The following EHHADH variants were observed in gnomAD, a reference collection of about 807,000 sequenced individuals.
The protein encoded by EHHADH is enoyl-CoA hydratase and 3-hydroxyacyl CoA dehydrogenase.
Under a neutral mutation model 64.4 loss-of-function variants are expected in EHHADH, and 48 were observed. The ratio of observed to expected loss-of-function variants is 0.75; its 90% CI spans 0.59 to 0.95. The LOEUF (loss-of-function observed/expected upper bound fraction) is 0.95. Ranked by LOEUF, EHHADH falls within the 40% of genes least tolerant of loss-of-function variation. EHHADH has a pLI of 0.00. For synonymous variants in EHHADH, 308 were observed against 326.7 expected (o/e 0.94, Z 0.62); for missense variants, 854 against 876.6 (o/e 0.97, Z 0.33).
chr3:185,191,969 C>A lies in EHHADH; in HGVS notation c.*257G>T. On this transcript the variant is annotated 3_prime_UTR_variant, in exon 7 of 7. Transcript: ENST00000231887. ...TGAGAATCTCAACTTATGCCTGAGC[C>A]TCTTTCATTAGCTATTATGGTATTA... 1 of 439,586 alleles carries A rather than the reference C, an allele frequency of 2.3e-6. No individual in the cohort carries two copies. The highest frequency in any genetic ancestry group is 4.0e-6 in the Non-Finnish European group (1 of 250,148). 27.2% of individuals were successfully genotyped at this position (439,586 alleles called of 1,614,324 possible).
intron 6 of EHHADH, among the ~76,000 whole-genome samples, chr3:185,195,355 C>A (rs528952614): frequency 5.0e-4 from 76 of 152,264 alleles, no homozygotes; most frequent in African/African-American, 1.8e-3. Context: ...CAGACAATAA[C>A]AAATTTTGGT....
intron 4 of EHHADH, among the ~76,000 whole-genome samples, chr3:185,225,416 A>G (rs538553569): frequency 6.6e-6 from 1 of 152,056 alleles, no homozygotes; most frequent in Non-Finnish European, 1.5e-5. Flanking sequence ...CTTTCAAAAT[A>G]TCTCCAGAAT....
At position 185,216,621 on chromosome 3, in the gene EHHADH, T is replaced by C. The variant is rs964264137; in HGVS notation, c.568+1515A>G. ...TTTTCTCCCCATCGTTCCTCCCCTC[T>C]CCAGTTCAAGCTTTTACTTTCACAT... On this transcript the variant is annotated intron_variant, in intron 5 of 6. Coordinates refer to ENST00000231887, the MANE Select transcript of EHHADH (RefSeq NM_001966.4). The surrounding 1 kb of genome is among the most constrained non-coding windows in gnomAD (Gnocchi z 5.3). Among the ~76,000 whole-genome samples the C allele has an allele frequency of 2.0e-5, 3 of 152,182 alleles. No individual in the cohort carries two copies. Among genetic ancestry groups the C allele is most frequent in the African/African-American group, 7.2e-5 (3 of 41,436 alleles).
intron 2 of EHHADH, among the ~76,000 whole-genome samples, chr3:185,238,191 G>C (rs371433652): frequency 6.6e-6 from 1 of 152,080 alleles, no homozygotes; most frequent in African/African-American, 2.4e-5. Context: ...CCATGACTTT[G>C]CTATCATTAA....
chr3:185,245,478 G>T, intron 2 of EHHADH: 1 of 1,019,554 alleles, frequency 9.8e-7, no homozygotes. Flanking sequence ...CTTTGGCACA[G>T]GGCTGTGCTC....
At chr3:185,199,544 C>T (rs1160478794) in intron 6 of EHHADH, among the ~76,000 whole-genome samples, 1 of 152,194 alleles carries the variant, frequency 6.6e-6, no homozygotes, top group Non-Finnish European at 1.5e-5. Context: ...GTAGGCCAAA[C>T]CCCGCCCACT....
intron 1 of EHHADH, among the ~76,000 whole-genome samples, chr3:185,251,364 T>G (rs1013818483): frequency 1.3e-5 from 2 of 152,236 alleles, no homozygotes; most frequent in African/African-American, 2.4e-5. Context: ...TTTAGGAAAC[T>G]GCTTTCGGTT....
intron 2 of EHHADH, among the ~76,000 whole-genome samples, chr3:185,240,498 A>G (rs1719419578): frequency 6.6e-6 from 1 of 151,276 alleles, no homozygotes; most frequent in Non-Finnish European, 1.5e-5. Flanking sequence ...CAGTCTTGGG[A>G]GGTTGTATGT....
Position 185,229,558 on chromosome 3 carries a change from A to G in EHHADH, c.352-15T>C, listed in dbSNP as rs1471535378. On this transcript the variant is annotated splice_polypyrimidine_tract_variant and intron_variant, in intron 3 of 6. Coordinates refer to ENST00000231887, the MANE Select transcript of EHHADH (RefSeq NM_001966.4). ...CCAACTTGAGCCTATCAAAGATTGA[A>G]GGCATAAAGGCCATTAGCATGAGAT... The G allele has an allele frequency of 7.4e-6, 11 of 1,481,056 alleles. No individual in the cohort carries two copies. Among genetic ancestry groups the G allele is most frequent in the South Asian group, 1.4e-5 (1 of 70,176 alleles). 91.7% of individuals were successfully genotyped at this position (1,481,056 alleles called of 1,614,324 possible).
At chr3:185,194,217 T>G (rs1394951030) in intron 6 of EHHADH, among the ~76,000 whole-genome samples, 1 of 152,212 alleles carries the variant, frequency 6.6e-6, no homozygotes, top group Non-Finnish European at 1.5e-5. Context: ...GTGCCTGTAA[T>G]CCCAGCACTT....
At chr3:185,253,801 G>GA (rs1006754662) in intron 1 of EHHADH, 148 bp downstream of exon 1, 425 of 1,284,782 alleles carry the variant, frequency 3.3e-4, no homozygotes, top group South Asian at 5.7e-4. Context: ...AGAAAGAAAA[G>GA]AAAAAAAAAG....
At chr3:185,215,062 T>A (rs1179655592) in intron 5 of EHHADH, among the ~76,000 whole-genome samples, 1 of 152,158 alleles carries the variant, frequency 6.6e-6, no homozygotes, top group East Asian at 1.9e-4. Context: ...CCGTATTTGT[T>A]CCATCTGTTC....
intron 2 of EHHADH, among the ~76,000 whole-genome samples, chr3:185,241,913 G>A (rs1176531628): frequency 6.6e-6 from 1 of 152,154 alleles, no homozygotes; most frequent in African/African-American, 2.4e-5. Flanking sequence ...TTGTCTTCTA[G>A]AATTTTTATA....
At chr3:185,213,479 T>C (rs998015795) in intron 5 of EHHADH, among the ~76,000 whole-genome samples, 4 of 152,230 alleles carry the variant, frequency 2.6e-5, no homozygotes, top group Non-Finnish European at 4.4e-5. Flanking sequence ...TTCTAATAAA[T>C]GCATATATAT....
In EHHADH at chr3:185,192,478, A is replaced by G. The variant is rs1166523943; in HGVS notation, c.1920T>C (p.Ala640=). The change falls in exon 7 of 7, where the codon GCT becomes GCC. Residue 640 remains alanine, a synonymous_variant. Transcript: ENST00000231887. ...CAACATCAATGTGCTCTGGGCTAGC[A>G]GCTATCCCTTCTCCCAAGATACGGA... ...EAFRILGEGI[A]ASPEHIDVVY... The G allele has an allele frequency of 1.1e-5, 18 of 1,614,138 alleles. No homozygotes were observed. In the Middle Eastern group the frequency reaches 4.9e-4, roughly 44 times the overall value.
rs1446421393 is a variant in EHHADH, at chr3:185,192,265, T to G, written c.2133A>C (p.Glu711Asp). ...TAGGGGAGCCTGCCAAGCTTTGCCA[T>G]TCTTTCAGGGGAGGGTTTCCCTGAG... Reference protein sequence around the residue: ...LASQGNPPLKEWQSLAGSPSS... With the variant: ...LASQGNPPLKDWQSLAGSPSS... The change falls in exon 7 of 7, where the codon GAA becomes GAC. Residue 711 changes from glutamate (E) to aspartate (D), a missense_variant. By Grantham distance (45) the Glu-to-Asp change is conservative (BLOSUM62 2). Coordinates refer to ENST00000231887, the MANE Select transcript of EHHADH (RefSeq NM_001966.4). 1.2e-6 allele frequency: 2 copies of G among 1,613,876 alleles called. No homozygotes were observed. Among genetic ancestry groups the G allele is most frequent in the African/African-American group, 2.7e-5 (2 of 74,868 alleles).
intron 4 of EHHADH, among the ~76,000 whole-genome samples, chr3:185,228,852 G>A (rs758133955): frequency 7.2e-5 from 11 of 151,816 alleles, no homozygotes; most frequent in Non-Finnish European, 1.3e-4. Flanking sequence ...TGCCCAGGCT[G>A]GAGTGCAGTG....
At chr3:185,194,246 G>A (rs1717995101) in intron 6 of EHHADH, among the ~76,000 whole-genome samples, 6 of 152,112 alleles carry the variant, frequency 3.9e-5, no homozygotes. Context: ...CAAGGTGAGA[G>A]GATCACTTGG....
chr3:185,194,540 T>A (rs1489661368), intron 6 of EHHADH, among the ~76,000 whole-genome samples: 2 of 151,452 alleles, frequency 1.3e-5, no homozygotes, highest in African/African-American at 4.9e-5. Context: ...TGAACCCAGG[T>A]GGCAGAGGTT....
Sources: gnomAD v4.1 joint callset for allele counts (sites outside exome capture counted in the v4.1 genomes callset) on GRCh38, gnomAD v4.1.1 for gene constraint, Gnocchi (gnomAD v3.1) non-coding constraint, MANE v1.5 for transcripts, NCBI Gene and HGNC (gene_info 2026-07-23, HGNC 2026-07-21) for gene names.